Variants in MYOM2 observed in about 807,000 individuals in gnomAD.
MYOM2 encodes the protein myomesin 2.
A neutral mutation model predicts 187.6 loss-of-function variants in MYOM2; 254 were observed. The ratio of observed to expected loss-of-function variants is 1.35; its 90% CI spans 1.22 to 1.50. The LOEUF is 1.50. Ranked by LOEUF, MYOM2 falls within the 40% of genes most tolerant of loss-of-function variation. The probability of loss-of-function intolerance (pLI) is 0.00; values close to 1 mark genes in which losing one functional copy is unlikely to be tolerated. For synonymous variants in MYOM2, 981 were observed against 753.8 expected, an observed-to-expected ratio of 1.30 and a Z score of -4.94; for missense variants, 2,796 against 1,924.0, an observed-to-expected ratio of 1.45 and a Z score of -8.48.
Position 2,073,342 on chromosome 8 carries a change from T to C in MYOM2, c.962T>C (p.Val321Ala). ...TTCCGTGTTAACGCTCTTTCAGACG[T>C]GCTGTTGAAAGAGTCCAAGTGGACG... The part of the protein sequence containing the change: ...QPRAEWYRDD[V>A]LLKESKWTKM... The change falls in exon 10 of 37, where the codon GTG (valine) becomes GCG (alanine). Residue 321 changes from valine to alanine, a missense_variant. Val to Ala is a moderately conservative substitution (Grantham distance 64). Transcript: ENST00000262113. 2 of 1,604,034 alleles carry C rather than the reference T, an allele frequency of 1.2e-6. No individual in the cohort carries two copies. The highest frequency in any genetic ancestry group is 1.7e-6 in the Non-Finnish European group (2 of 1,174,298).
In MYOM2 at chr8:2,052,280, C is replaced by T. The variant is rs146262737; in HGVS notation, c.230C>T (p.Thr77Met). ...ICRVCAKRVS[T>M]QEDEEQENRS... is the part of the protein sequence containing the mutation. ...AGGGTCTGTGCGAAGCGAGTGAGCA[C>T]GCAGGAAGATGAGGAGCAGGAGAAC... Residue 77 changes from threonine to methionine, a missense_variant, in exon 3 of 37, where the codon ACG becomes ATG. Coordinates refer to ENST00000262113, the MANE Select transcript of MYOM2 (RefSeq NM_003970.4). 504 of 1,607,484 alleles carry T rather than the reference C, an allele frequency of 3.1e-4. 1 individual carries two copies. The African/African-American group carries it at 5.5e-3, about 17-fold the overall frequency.
At chr8:2,135,345 T>C (rs1798031677) in intron 32 of MYOM2, among the ~76,000 whole-genome samples, 1 of 152,244 alleles carries the variant, frequency 6.6e-6, no homozygotes, top group Admixed American at 6.5e-5. Flanking sequence ...AAGCAATTCA[T>C]TTGCAACATA....
At chr8:2,143,802 C>T (rs1388289550) in intron 36 of MYOM2, among the ~76,000 whole-genome samples, 1 of 152,206 alleles carries the variant, frequency 6.6e-6, no homozygotes, top group Non-Finnish European at 1.5e-5. Flanking sequence ...GAGGCAGCCA[C>T]ACTCGCCCTG....
In MYOM2 at chr8:2,141,168, A is replaced by C; in HGVS notation, c.3992A>C (p.Gln1331Pro). 6.2e-7 allele frequency: 1 copy of C among 1,612,274 alleles called. No homozygotes were observed. The highest frequency in any genetic ancestry group is 8.5e-7 in the Non-Finnish European group (1 of 1,178,666). Reference sequence around the variant, plus strand: ...TTTGATGAAGCATTTGCAGAATTCCAGCAATTCAAGTAAGATTTGTGTATT... The same window carrying C: ...TTTGATGAAGCATTTGCAGAATTCCCGCAATTCAAGTAAGATTTGTGTATT... ...QAFDEAFAEFQQFKAAAFAEK... is the reference protein window; with the variant it reads ...QAFDEAFAEFPQFKAAAFAEK... The change falls in exon 34 of 37, where the codon CAG (glutamine) becomes CCG (proline). Residue 1331 changes from glutamine to proline, a missense_variant. Transcript: ENST00000262113.
In MYOM2 at chr8:2,117,959, A is replaced by C; in HGVS notation, c.3453+7A>C. On this transcript the variant is annotated splice_region_variant and intron_variant, in intron 28 of 36. Coordinates refer to ENST00000262113, the MANE Select transcript of MYOM2 (RefSeq NM_003970.4). The stretch of plus-strand genomic sequence containing the variant: ...AGTTCGACTTGTTTGCAAGGTGAGA[A>C]ACCCGGTTCTAACAGGAAAACAATA... The C allele has an allele frequency of 6.2e-7, 1 of 1,611,504 alleles. No homozygotes were observed. Among genetic ancestry groups the C allele is most frequent in the Non-Finnish European group, 8.5e-7 (1 of 1,178,488 alleles).
intron 31 of MYOM2, chr8:2,127,899 C>A (rs1006020926): frequency 6.6e-6 from 1 of 152,528 alleles, no homozygotes; most frequent in African/African-American, 2.4e-5. Context: ...CTCTTTCTTT[C>A]CTCATGTGTA....
chr8:2,086,982 G>T (rs1204660518), intron 14 of MYOM2, among the ~76,000 whole-genome samples: 1 of 151,722 alleles, frequency 6.6e-6, no homozygotes, highest in Non-Finnish European at 1.5e-5. Context: ...AAAAGACGTT[G>T]TATATTGCAG....
At position 2,096,042 on chromosome 8, in the gene MYOM2, TTTTA is replaced by T. The variant is rs1796470653; in HGVS notation, c.2126-197_2126-194del. Reference sequence around the variant, plus strand: ...AGCAATACATATATATGAGATAAATTTTTATTTATTTTTGTACTCATCCCCTTTA... The same window carrying T: ...AGCAATACATATATATGAGATAAATTTTTATTTTTGTACTCATCCCCTTTA... On this transcript the variant is annotated intron_variant, in intron 17 of 36. Transcript: ENST00000262113. Among the ~76,000 whole-genome samples, 4 of 152,110 alleles carry T rather than the reference TTTTA, an allele frequency of 2.6e-5. No individual in the cohort carries two copies. The South Asian group carries it at 8.3e-4, about 32-fold the overall frequency.
chr8:2,093,877 T>C (rs577956498), intron 16 of MYOM2, 93 bp from the exon 17 acceptor site: 8 of 1,506,794 alleles, frequency 5.3e-6, no homozygotes, highest in African/African-American at 1.4e-5. Flanking sequence ...CCATAAAAAT[T>C]TTTTATGGCG....
intron 11 of MYOM2, among the ~76,000 whole-genome samples, chr8:2,077,083 G>C (rs889998944): frequency 1.3e-5 from 2 of 152,132 alleles, no homozygotes; most frequent in East Asian, 1.9e-4. Context: ...AGGCCAACGC[G>C]GGCGGATTAC....
chr8:2,086,494 C>CTCCCACTGTTGTGATCTCTGCGTGG (rs1796074873), intron 14 of MYOM2, among the ~76,000 whole-genome samples: 2 of 133,020 alleles, frequency 1.5e-5, no homozygotes, highest in Non-Finnish European at 3.3e-5. Flanking sequence ...TCTGTGTGGC[C>CTCCCACTGTTGTGATCTCTGCGTGG]CCCCACTGTC....
intron 13 of MYOM2, among the ~76,000 whole-genome samples, chr8:2,083,771 C>T (rs1819715822): frequency 1.3e-5 from 2 of 152,236 alleles, no homozygotes. Flanking sequence ...TGTGTGATCA[C>T]ATTGCCCAGG....
At chr8:2,132,583 C>G (rs1368335641) in intron 32 of MYOM2, among the ~76,000 whole-genome samples, 1 of 144,864 alleles carries the variant, frequency 6.9e-6, no homozygotes, top group Non-Finnish European at 1.5e-5. Context: ...GTCTCTCTTT[C>G]TCTCTCTCTC....
intron 28 of MYOM2, among the ~76,000 whole-genome samples, chr8:2,120,689 A>ATATATATATATTATATT: frequency 7.1e-5 from 3 of 42,414 alleles, no homozygotes; most frequent in African/African-American, 1.5e-4. Flanking sequence ...ATTATATATA[A>ATATATATATATTATATT]ATATATAATA....
At chr8:2,046,446 G>A (rs10089072) in intron 1 of MYOM2, among the ~76,000 whole-genome samples, 134,459 of 152,218 alleles carry the variant, frequency 0.88, 59,522 homozygotes, top group East Asian at 1. Context: ...GTCAGCTGGC[G>A]CCTGGGTTCG....
At chr8:2,134,050 T>C (rs1797970705) in intron 32 of MYOM2, among the ~76,000 whole-genome samples, 1 of 151,662 alleles carries the variant, frequency 6.6e-6, no homozygotes, top group East Asian at 1.9e-4. Context: ...GGTTAGTGTA[T>C]TGTGTACCCA....
intron 6 of MYOM2, among the ~76,000 whole-genome samples, chr8:2,068,938 A>G (rs1819118915): frequency 6.6e-6 from 1 of 152,204 alleles, no homozygotes; most frequent in African/African-American, 2.4e-5. Flanking sequence ...GACAAGATGA[A>G]ACCGCGCATT....
intron 10 of MYOM2, among the ~76,000 whole-genome samples, chr8:2,075,077 T>C (rs1046326994): frequency 1.3e-5 from 2 of 152,192 alleles, no homozygotes; most frequent in Non-Finnish European, 2.9e-5. Flanking sequence ...AGATCAGAGC[T>C]TAAAGGAAGG....
chr8:2,122,466 A>G (rs1444087126), intron 28 of MYOM2, among the ~76,000 whole-genome samples: 2 of 152,220 alleles, frequency 1.3e-5, no homozygotes, highest in African/African-American at 2.4e-5. Flanking sequence ...CATTTCCCAT[A>G]GCGGATGTGG....
Sources: gnomAD v4.1 joint callset for allele counts (sites outside exome capture counted in the v4.1 genomes callset) on GRCh38, gnomAD v4.1.1 for gene constraint, MANE v1.5 for transcripts, NCBI Gene and HGNC (gene_info 2026-07-23, HGNC 2026-07-21) for gene names.